TIAM2: variants seen among roughly 807,000 people sequenced by gnomAD.
TIAM2 encodes the protein TIAM Rac1 associated GEF 2, also known as rho guanine nucleotide exchange factor TIAM2.
In TIAM2, 80 loss-of-function variants were observed where a neutral mutation model predicts 152.9. The observed-to-expected ratio is 0.52, with a 90% CI of 0.44 to 0.63. TIAM2 has a LOEUF of 0.63. TIAM2 is among the 30% of genes least tolerant of loss of function. The probability of loss-of-function intolerance (pLI) is 0.00; values close to 1 mark genes in which losing one functional copy is unlikely to be tolerated. For synonymous variants in TIAM2, 804 were observed against 838.0 expected (o/e 0.96, Z 0.70); for missense variants, 1,965 against 2,120.1 (o/e 0.93, Z 1.44).
At chr6:155,085,199 C>T (rs1272342150) in intron 1 of TIAM2, among the ~76,000 whole-genome samples, 1 of 152,056 alleles carries the variant, frequency 6.6e-6, no homozygotes, top group African/African-American at 2.4e-5. Flanking sequence ...TAGCTGATAA[C>T]GAGGCTAAAG....
intron 1 of TIAM2, among the ~76,000 whole-genome samples, chr6:155,060,585 AG>A (rs1777554896): frequency 1.3e-5 from 2 of 152,128 alleles, no homozygotes. Flanking sequence ...CAGTTACTCC[AG>A]CTTTGGTGAT....
In TIAM2 at chr6:155,176,972, T is replaced by G; in HGVS notation, c.2518T>G (p.Cys840Gly). The part of the protein sequence containing the change: ...HRVEDILTLA[C>G]KMRQLEPSHY... ...AGTAGAAGATATTTTGACTTTGGCA[T>G]GCAAGGTAACGGATTTTGCTGCAGA... The change falls in exon 10 of 27, where the codon TGC becomes GGC. Residue 840 changes from cysteine (C) to glycine (G), a missense_variant. By Grantham distance (159) the Cys-to-Gly change is radical. This residue lies in a region of TIAM2 where 1,025 missense variants were observed against 1,119.4 expected (regional missense o/e 0.92). Coordinates refer to ENST00000682666, the MANE Select transcript of TIAM2 (RefSeq NM_012454.4). 6.2e-7 allele frequency: 1 copy of G among 1,606,896 alleles called. No individual in the cohort carries two copies. Among genetic ancestry groups the G allele is most frequent in the Non-Finnish European group, 8.5e-7 (1 of 1,177,628 alleles).
chr6:155,068,598 A>AACCCCCCCCCCC (rs1777759439), intron 1 of TIAM2, among the ~76,000 whole-genome samples: 1 of 116,390 alleles, frequency 8.6e-6, no homozygotes. Flanking sequence ...GATTACAGGC[A>AACCCCCCCCCCC]CCCGCCCCCC....
chr6:155,075,893 T>G (rs1023484353), intron 1 of TIAM2, among the ~76,000 whole-genome samples: 6 of 152,222 alleles, frequency 3.9e-5, no homozygotes, highest in Non-Finnish European at 2.9e-5. Context: ...AAAGTGATCA[T>G]TTTCTTACAC....
intron 2 of TIAM2, among the ~76,000 whole-genome samples, chr6:155,097,375 T>A (rs187115821): frequency 6.6e-6 from 1 of 152,216 alleles, no homozygotes; most frequent in African/African-American, 2.4e-5. Context: ...AGGGTCTTCT[T>A]CTGTCACCCT....
At chr6:155,237,935 CT>C (rs745541943) in intron 15 of TIAM2, among the ~76,000 whole-genome samples, 52 of 152,360 alleles carry the variant, frequency 3.4e-4, no homozygotes, top group Non-Finnish European at 5.3e-4. Context: ...CATTCAGTCC[CT>C]CTTTACTTAT....
intron 14 of TIAM2, among the ~76,000 whole-genome samples, chr6:155,207,281 C>A (rs1781619648): frequency 6.6e-6 from 1 of 152,222 alleles, no homozygotes; most frequent in African/African-American, 2.4e-5. Context: ...TATCTCATGT[C>A]TCTTCTATAA....
chr6:155,243,772 A>C (rs900830414), intron 16 of TIAM2, among the ~76,000 whole-genome samples: 1 of 132,364 alleles, frequency 7.6e-6, no homozygotes, highest in Non-Finnish European at 1.6e-5. Flanking sequence ...TCTTGAACCC[A>C]GGAGGCAGAG....
chr6:154,998,880 A>T (rs1778266138), intron 1 of TIAM2, among the ~76,000 whole-genome samples: 1 of 152,168 alleles, frequency 6.6e-6, no homozygotes, highest in South Asian at 2.1e-4. Flanking sequence ...ATATTCCATC[A>T]TTGGCCTCAC....
At chr6:155,099,683 G>A (rs1778510782) in intron 2 of TIAM2, among the ~76,000 whole-genome samples, 1 of 152,152 alleles carries the variant, frequency 6.6e-6, no homozygotes, top group Non-Finnish European at 1.5e-5. Flanking sequence ...AGTGTTTTCT[G>A]TTCATTTGTT....
intron 1 of TIAM2, among the ~76,000 whole-genome samples, chr6:155,058,138 G>T (rs564885428): frequency 2.4e-4 from 37 of 152,222 alleles, no homozygotes; most frequent in African/African-American, 8.4e-4. Context: ...TCTCCAAGGA[G>T]CCCTGGTTCC....
chr6:155,095,313 A>G (rs1370635353), intron 2 of TIAM2, among the ~76,000 whole-genome samples: 2 of 152,184 alleles, frequency 1.3e-5, no homozygotes, highest in Admixed American at 6.5e-5. Context: ...GTACGAACAG[A>G]ATCTGGCTTT....
intron 1 of TIAM2, among the ~76,000 whole-genome samples, chr6:155,025,271 G>T (rs1220182550): frequency 6.6e-6 from 1 of 150,620 alleles, no homozygotes; most frequent in Non-Finnish European, 1.5e-5. Flanking sequence ...TCAGCTCGCT[G>T]CAAGCTCTGC....
intron 1 of TIAM2, among the ~76,000 whole-genome samples, chr6:155,076,429 G>A (rs914914429): frequency 1.3e-5 from 2 of 152,116 alleles, no homozygotes; most frequent in East Asian, 1.9e-4. Flanking sequence ...ATTCCATGCC[G>A]AAGTAATTAA....
At chr6:155,035,307 C>T (rs942269316) in intron 1 of TIAM2, among the ~76,000 whole-genome samples, 3 of 151,602 alleles carry the variant, frequency 2.0e-5, no homozygotes, top group South Asian at 2.1e-4. Context: ...ACTGCATTTC[C>T]ACCTCCCGGG....
intron 1 of TIAM2, among the ~76,000 whole-genome samples, chr6:155,028,300 C>CATATA (rs1315921726): frequency 7.3e-5 from 8 of 109,576 alleles, no homozygotes; most frequent in African/African-American, 2.7e-4. Flanking sequence ...ATATATACTA[C>CATATA]ATATATGTAC....
intron 9 of TIAM2, among the ~76,000 whole-genome samples, chr6:155,169,914 G>A (rs1170291643): frequency 6.6e-6 from 1 of 152,034 alleles, no homozygotes; most frequent in Non-Finnish European, 1.5e-5. Context: ...TGCCTCCCAG[G>A]TTGAAGCAGT....
intron 1 of TIAM2, among the ~76,000 whole-genome samples, chr6:155,089,474 TG>T (rs1444751950): frequency 6.6e-6 from 1 of 152,204 alleles, no homozygotes; most frequent in Non-Finnish European, 1.5e-5. Flanking sequence ...CCCAAAGTGC[TG>T]GGATTATAGA....
chr6:155,140,360 C>T (rs746958179), intron 5 of TIAM2, among the ~76,000 whole-genome samples: 3 of 152,148 alleles, frequency 2.0e-5, no homozygotes, highest in Non-Finnish European at 4.4e-5. Context: ...GCCTCCTAGT[C>T]ACATGATGTG....
Sources: allele counts gnomAD v4.1 joint callset (sites outside exome capture counted in the v4.1 genomes callset), GRCh38; gene constraint gnomAD v4.1.1; regional missense constraint gnomAD v4.1.1; transcripts MANE v1.5; gene names NCBI Gene and HGNC (gene_info 2026-07-23, HGNC 2026-07-21).